Variants in NTM observed in about 807,000 individuals in gnomAD.
NTM encodes the protein neurotrimin, also known as IgLON family member 2.
NTM carries 13 observed loss-of-function variants against 42.1 expected under a neutral mutation model. The observed-to-expected ratio is 0.31, with a 90% CI of 0.20 to 0.49. The LOEUF is 0.49. NTM is among the 20% of genes least tolerant of loss of function. NTM has a pLI of 0.99. For missense variants in NTM, 373 were observed against 452.8 expected, an observed-to-expected ratio of 0.82 and a Z score of 1.60; for synonymous variants, 187 against 179.2, an observed-to-expected ratio of 1.04 and a Z score of -0.35.
At chr11:132,193,935 A>G (rs2079727344) in intron 3 of NTM, among the ~76,000 whole-genome samples, 2 of 152,174 alleles carry the variant, frequency 1.3e-5, no homozygotes, top group African/African-American at 4.8e-5. Flanking sequence ...AAAATCCTGA[A>G]CAGACCAATA....
At chr11:131,970,913 T>C (rs979824194) in intron 2 of NTM, among the ~76,000 whole-genome samples, 2 of 152,236 alleles carry the variant, frequency 1.3e-5, no homozygotes, top group African/African-American at 4.8e-5. Context: ...TTTCATTAAA[T>C]GTGCATGTGT....
intron 2 of NTM, among the ~76,000 whole-genome samples, chr11:132,092,505 T>G (rs986900854): frequency 6.6e-6 from 1 of 152,196 alleles, no homozygotes; most frequent in African/African-American, 2.4e-5. Context: ...TCTGGGCCTA[T>G]CTCCCTGTCT....
intron 1 of NTM, among the ~76,000 whole-genome samples, chr11:131,858,719 T>G (rs1410197380): frequency 3.9e-5 from 6 of 152,204 alleles, no homozygotes; most frequent in Non-Finnish European, 8.8e-5. Flanking sequence ...CAGCTGGAAT[T>G]GCTCTCGTCT....
chr11:131,550,877 G>A (rs2054573571), intron 1 of NTM, among the ~76,000 whole-genome samples: 1 of 152,088 alleles, frequency 6.6e-6, no homozygotes, highest in Non-Finnish European at 1.5e-5. Flanking sequence ...AACAGACACT[G>A]TTCTGCCTCT....
Position 131,888,342 on chromosome 11 carries a change from C to A in NTM, c.83-23222C>A, listed in dbSNP as rs755516106. ...AATGAATGAGACCATGGATACCACC[C>A]GGCCTGTTTTGGAGAGGGCATTTCA... On this transcript the variant is annotated intron_variant, in intron 1 of 8. Transcript: ENST00000683400. Among the ~76,000 whole-genome samples, 23 of 152,198 alleles carry A rather than the reference C, an allele frequency of 1.5e-4. 1 individual carries two copies. In the East Asian group the frequency reaches 4.5e-3, roughly 29 times the overall value.
rs1460772931 is a variant in NTM, at chr11:131,757,524, T to C, written c.83-154040T>C. 2.0e-5 allele frequency among the ~76,000 whole-genome samples: 3 copies of C among 152,222 alleles called. No homozygotes were observed. The East Asian group carries it at 5.8e-4, about 29-fold the overall frequency. On this transcript the variant is annotated intron_variant, in intron 1 of 8. Transcript: ENST00000683400. ...AAGATTTGGGCACTGATTCTCTTCC[T>C]GCCCTTCTAGAACCCATTTCCAGGC...
intron 2 of NTM, among the ~76,000 whole-genome samples, chr11:132,070,976 A>G (rs1378511081): frequency 1.4e-5 from 2 of 143,098 alleles, no homozygotes; most frequent in Admixed American, 1.4e-4. Flanking sequence ...GTTAGTTAAC[A>G]CGTCACACAG....
At chr11:132,315,730 C>T (rs1433910682) in intron 7 of NTM, among the ~76,000 whole-genome samples, 7 of 152,162 alleles carry the variant, frequency 4.6e-5, no homozygotes, top group African/African-American at 9.7e-5. Flanking sequence ...CTTCACCACA[C>T]GATCTCTGCT....
At chr11:131,448,257 G>A (rs1950217938) in intron 1 of NTM, among the ~76,000 whole-genome samples, 1 of 152,236 alleles carries the variant, frequency 6.6e-6, no homozygotes, top group Non-Finnish European at 1.5e-5. Flanking sequence ...TGTCACAGCT[G>A]CACCATCTTC....
intron 2 of NTM, among the ~76,000 whole-genome samples, chr11:131,979,022 T>C (rs537174513): frequency 1.3e-5 from 2 of 152,118 alleles, no homozygotes. Context: ...TCCGAGAGCA[T>C]GTAAATCGCT....
intron 1 of NTM, among the ~76,000 whole-genome samples, chr11:131,467,564 C>T (rs992329025): frequency 2.0e-5 from 3 of 152,176 alleles, no homozygotes; most frequent in African/African-American, 4.8e-5. Flanking sequence ...CCTGCTCTGG[C>T]TATGTATCTG....
Position 131,410,517 on chromosome 11 carries a change from C to CAAAAAAAAAAAAAAAAAAAAAAAAAAAAA in NTM, c.82+39655_82+39656insAAAAAAAAAAAAAAAAAAAAAAAAAAAAA, listed in dbSNP as rs1161389222. Among the ~76,000 whole-genome samples, 5 of 32,768 alleles carry CAAAAAAAAAAAAAAAAAAAAAAAAAAAAA rather than the reference C, an allele frequency of 1.5e-4. 1 individual carries two copies. The highest frequency in any genetic ancestry group is 2.5e-4 in the Non-Finnish European group (5 of 19,968). 21.5% of individuals were successfully genotyped at this position (32,768 alleles called of 152,430 possible). On this transcript the variant is annotated intron_variant, in intron 1 of 8. Coordinates refer to ENST00000683400, the MANE Select transcript of NTM (RefSeq NM_001352005.2). ...CAGAAACAAACAAACAAACAATAAC[C>CAAAAAAAAAAAAAAAAAAAAAAAAAAAAA]AAAAAAAAAAAAAAAAAAAAAAAAA...
rs138384066 is a variant in NTM, at chr11:131,468,443, ATTAT to A, written c.82+97560_82+97563del. Reference sequence around the variant, plus strand: ...ACCAGGAAGCAGCAACAATTTCTAAATTATTTATCAATTCCCTTACCTCCACCCC... The same window carrying A: ...ACCAGGAAGCAGCAACAATTTCTAAATTATCAATTCCCTTACCTCCACCCC... On this transcript the variant is annotated intron_variant, in intron 1 of 8. Transcript: ENST00000683400. Among the ~76,000 whole-genome samples the A allele has an allele frequency of 5.8e-3, 890 of 152,322 alleles. 10 individuals are homozygous for A. Among genetic ancestry groups the A allele is most frequent in the African/African-American group, 0.02 (844 of 41,574 alleles).
chr11:132,152,300 A>G (rs977168348), intron 3 of NTM, among the ~76,000 whole-genome samples: 3 of 152,206 alleles, frequency 2.0e-5, no homozygotes, highest in Non-Finnish European at 4.4e-5. Flanking sequence ...CAAGCGAGTC[A>G]ATGGTAGAGG....
At chr11:131,761,543 C>T (rs2084177575) in intron 1 of NTM, among the ~76,000 whole-genome samples, 1 of 152,040 alleles carries the variant, frequency 6.6e-6, no homozygotes, top group East Asian at 1.9e-4. Flanking sequence ...GTGGCTCACG[C>T]CTGTTATCCC....
chr11:131,766,086 T>TGA (rs1221066083), intron 1 of NTM, among the ~76,000 whole-genome samples: 1 of 152,200 alleles, frequency 6.6e-6, no homozygotes, highest in Non-Finnish European at 1.5e-5. Context: ...GGGGGCTGAC[T>TGA]GAGGTCCCAT....
chr11:132,199,252 A>G (rs576420995), intron 3 of NTM, among the ~76,000 whole-genome samples: 23 of 152,364 alleles, frequency 1.5e-4, no homozygotes, highest in African/African-American at 5.0e-4. Context: ...GGTGACTGCA[A>G]AGCATGGTAC....
intron 3 of NTM, among the ~76,000 whole-genome samples, chr11:132,158,324 G>A (rs945910407): frequency 6.6e-6 from 1 of 152,202 alleles, no homozygotes; most frequent in African/African-American, 2.4e-5. Context: ...TGTCCTTGGG[G>A]CTCTCTTCTT....
chr11:131,616,650 T>C (rs2061963100), intron 1 of NTM, among the ~76,000 whole-genome samples: 1 of 151,962 alleles, frequency 6.6e-6, no homozygotes, highest in East Asian at 1.9e-4. Context: ...CGGAGACAGT[T>C]CTCTTCCCCA....
Sources: allele counts gnomAD v4.1 joint callset (sites outside exome capture counted in the v4.1 genomes callset), GRCh38; gene constraint gnomAD v4.1.1; transcripts MANE v1.5; gene names NCBI Gene and HGNC (gene_info 2026-07-23, HGNC 2026-07-21).